Variants in GALNTL6 observed in about 807,000 individuals in gnomAD.
The protein encoded by GALNTL6 is polypeptide N-acetylgalactosaminyltransferase like 6.
Under a neutral mutation model 73.7 loss-of-function variants are expected in GALNTL6, and 46 were observed. That is an observed-to-expected ratio of 0.62 (90% CI 0.49 to 0.80). GALNTL6 has a LOEUF of 0.80. Ranked by LOEUF, GALNTL6 falls within the 30% of genes least tolerant of loss-of-function variation. GALNTL6 has a pLI of 0.00. For synonymous variants in GALNTL6, 259 were observed against 263.7 expected (o/e 0.98, Z 0.17); for missense variants, 604 against 755.0 (o/e 0.80, Z 2.34).
intron 5 of GALNTL6, among the ~76,000 whole-genome samples, chr4:172,394,183 CTAA>C: frequency 6.6e-6 from 1 of 152,114 alleles, no homozygotes; most frequent in East Asian, 1.9e-4. Context: ...CTAATTTAAA[CTAA>C]TTACTATATA....
chr4:172,195,155 T>C (rs1224328729), intron 2 of GALNTL6, among the ~76,000 whole-genome samples: 3 of 151,868 alleles, frequency 2.0e-5, no homozygotes. Context: ...TCCTAATTAC[T>C]GACAAAACAG....
At chr4:172,069,437 CAT>C (rs57265179) in intron 2 of GALNTL6, among the ~76,000 whole-genome samples, 4,731 of 84,312 alleles carry the variant, frequency 0.056, 1,259 homozygotes, top group African/African-American at 0.1. Flanking sequence ...ACACATATAA[CAT>C]ATATATGTAA....
intron 3 of GALNTL6, among the ~76,000 whole-genome samples, chr4:172,299,267 T>C (rs542201717): frequency 1.8e-4 from 27 of 152,304 alleles, no homozygotes; most frequent in African/African-American, 5.8e-4. Flanking sequence ...TTTTCTTCTT[T>C]ATTAGTCTTG....
chr4:173,038,344 G>C lies in GALNTL6; in HGVS notation c.1639-1589G>C, dbSNP rs1015609280. Among the ~76,000 whole-genome samples the C allele has an allele frequency of 9.2e-5, 14 of 152,164 alleles. 1 individual carries two copies. The highest frequency in any genetic ancestry group is 2.6e-4 in the Admixed American group (4 of 15,284). On this transcript the variant is annotated intron_variant, in intron 12 of 12. Coordinates refer to ENST00000506823, the MANE Select transcript of GALNTL6 (RefSeq NM_001034845.3). Reference sequence around the variant, plus strand: ...GCAGCGGCTGGGAGAGGGCATCTGGGACAGCAAATATCTAGGACCCTCAGA... The same window carrying C: ...GCAGCGGCTGGGAGAGGGCATCTGGCACAGCAAATATCTAGGACCCTCAGA...
At chr4:172,883,032 C>T in intron 8 of GALNTL6, 125 bp downstream of exon 8, 1 of 575,962 alleles carries the variant, frequency 1.7e-6, no homozygotes, top group Non-Finnish European at 3.1e-6. Context: ...ATCACCTTCC[C>T]AAGTGAGCTC....
Position 172,229,703 on chromosome 4 carries a change from T to G in GALNTL6, c.186T>G (p.Asp62Glu), listed in dbSNP as rs1736987305. ...ATGGGCAATTCTATTCATGGACAGATGGTTTGAGAAGAAAGGACTGGCATG... is the reference window on the plus strand; with the variant it reads ...ATGGGCAATTCTATTCATGGACAGAGGGTTTGAGAAGAAAGGACTGGCATG... ...LGDGQFYSWT[D>E]GLRRKDWHDY... is the part of the protein sequence containing the mutation. Residue 62 changes from aspartate to glutamate, a missense_variant, in exon 3 of 13, where the codon GAT (aspartate) becomes GAG (glutamate). Around this residue, in one of 5 missense-constraint regions of GALNTL6, gnomAD observed 141 missense variants for 156.6 expected, o/e 0.90. Coordinates refer to ENST00000506823, the MANE Select transcript of GALNTL6 (RefSeq NM_001034845.3). 6.2e-7 allele frequency: 1 copy of G among 1,613,902 alleles called. No individual in the cohort carries two copies. The highest frequency in any genetic ancestry group is 2.2e-5 in the East Asian group (1 of 44,862).
intron 5 of GALNTL6, among the ~76,000 whole-genome samples, chr4:172,673,526 T>G (rs2111211422): frequency 6.6e-6 from 1 of 152,304 alleles, no homozygotes; most frequent in Non-Finnish European, 1.5e-5. Flanking sequence ...TAAACATATT[T>G]GTTAGCTTTC....
chr4:172,081,270 T>C (rs1318393562), intron 2 of GALNTL6, among the ~76,000 whole-genome samples: 1 of 152,220 alleles, frequency 6.6e-6, no homozygotes, highest in Non-Finnish European at 1.5e-5. Context: ...TGGCATTTGT[T>C]TGTGCTACTT....
At chr4:172,744,891 C>T (rs1443031402) in intron 5 of GALNTL6, among the ~76,000 whole-genome samples, 3 of 150,638 alleles carry the variant, frequency 2.0e-5, no homozygotes, top group African/African-American at 7.3e-5. Context: ...TCATAATATC[C>T]ACCAATTTTG....
intron 5 of GALNTL6, among the ~76,000 whole-genome samples, chr4:172,633,502 C>G (rs971939220): frequency 3.3e-5 from 5 of 152,276 alleles, no homozygotes; most frequent in African/African-American, 1.2e-4. Flanking sequence ...GCCTGTACCC[C>G]CATTGTATCT....
At chr4:172,138,145 C>A (rs1029404098) in intron 2 of GALNTL6, among the ~76,000 whole-genome samples, 1 of 151,778 alleles carries the variant, frequency 6.6e-6, no homozygotes, top group African/African-American at 2.4e-5. Context: ...CCCAAATGAA[C>A]GGAATTATGA....
At chr4:172,445,136 A>G (rs997728791) in intron 5 of GALNTL6, among the ~76,000 whole-genome samples, 5 of 152,212 alleles carry the variant, frequency 3.3e-5, no homozygotes, top group Non-Finnish European at 7.3e-5. Context: ...CACTAGAGAC[A>G]TGAGAAGTTA....
chr4:172,174,131 C>T (rs1454577098), intron 2 of GALNTL6, among the ~76,000 whole-genome samples: 2 of 152,090 alleles, frequency 1.3e-5, no homozygotes, highest in African/African-American at 2.4e-5. Context: ...AGCTAAGAGA[C>T]TGCTAAGTTA....
chr4:172,860,873 G>A (rs902796957), intron 7 of GALNTL6, among the ~76,000 whole-genome samples: 8 of 152,010 alleles, frequency 5.3e-5, no homozygotes, highest in African/African-American at 1.5e-4. Flanking sequence ...TTATCAACTT[G>A]GAAACAATCT....
At chr4:173,025,189 T>C (rs1293425726) in intron 12 of GALNTL6, among the ~76,000 whole-genome samples, 10 of 152,214 alleles carry the variant, frequency 6.6e-5, no homozygotes, top group African/African-American at 2.4e-4. Context: ...CTATGTTCAG[T>C]TGAACAGCTG....
intron 5 of GALNTL6, among the ~76,000 whole-genome samples, chr4:172,789,074 C>G (rs1225753851): frequency 6.6e-6 from 1 of 152,144 alleles, no homozygotes; most frequent in Non-Finnish European, 1.5e-5. Context: ...TAGACGCCAG[C>G]TAGATGTCCT....
chr4:172,070,373 C>T lies in GALNTL6; in HGVS notation c.139-159283C>T, dbSNP rs1579108462. ...ATAGTGTTATGATTTGAATATGTCC[C>T]CCAAAAGTTAAGGTGTTGGCAACTT... On this transcript the variant is annotated intron_variant, in intron 2 of 12. Transcript: ENST00000506823. Among the ~76,000 whole-genome samples, 2 of 109,618 alleles carry T rather than the reference C, an allele frequency of 1.8e-5. 1 individual carries two copies. The highest frequency in any genetic ancestry group is 1.9e-4 in the Admixed American group (2 of 10,516). 71.9% of individuals were successfully genotyped at this position (109,618 alleles called of 152,430 possible). A position where few individuals can be genotyped will look rare whatever the true frequency, so the allele number is the denominator to read the frequency against.
intron 2 of GALNTL6, among the ~76,000 whole-genome samples, chr4:171,911,247 C>T (rs951272354): frequency 6.6e-6 from 1 of 152,170 alleles, no homozygotes; most frequent in African/African-American, 2.4e-5. Flanking sequence ...GCAGCCTCTA[C>T]CTCCCAGGCT....
intron 11 of GALNTL6, 78 bp from the exon 12 acceptor site, chr4:173,021,398 G>T (rs1752983797): frequency 2.1e-6 from 3 of 1,439,952 alleles, no homozygotes; most frequent in East Asian, 4.5e-5. Context: ...ATTGCTAAAA[G>T]ACATACCTTC....
Sources: gnomAD v4.1 joint callset for allele counts (sites outside exome capture counted in the v4.1 genomes callset) on GRCh38, gnomAD v4.1.1 for gene constraint, gnomAD v4.1.1 regional missense constraint, MANE v1.5 for transcripts, NCBI Gene and HGNC (gene_info 2026-07-23, HGNC 2026-07-21) for gene names.